The following HAUS6 variants were observed in gnomAD, a reference collection of about 807,000 sequenced individuals.
The protein encoded by HAUS6 is HAUS augmin-like complex subunit 6.
A neutral mutation model predicts 106.8 loss-of-function variants in HAUS6; 80 were observed. The ratio of observed to expected loss-of-function variants is 0.75; its 90% CI spans 0.63 to 0.90. The LOEUF (loss-of-function observed/expected upper bound fraction) is 0.90, where lower values mean the gene tolerates loss of function less well. HAUS6 is among the 40% of genes least tolerant of loss of function. The probability of loss-of-function intolerance (pLI) is 0.00; values close to 1 mark genes in which losing one functional copy is unlikely to be tolerated. For missense variants in HAUS6, 1,155 were observed against 1,118.1 expected (o/e 1.03, Z -0.47); for synonymous variants, 356 against 379.1 (o/e 0.94, Z 0.71).
At chr9:19,066,934 G>T (rs933538519) in intron 12 of HAUS6, among the ~76,000 whole-genome samples, 19 of 151,608 alleles carry the variant, frequency 1.3e-4, no homozygotes, top group African/African-American at 4.6e-4. Context: ...TTGAGCCCAG[G>T]AGATCAAGGC....
intron 11 of HAUS6, among the ~76,000 whole-genome samples, chr9:19,073,425 A>AG (rs1426059358): frequency 1.3e-5 from 2 of 151,706 alleles, no homozygotes; most frequent in African/African-American, 4.8e-5. Context: ...ATACTAGGAA[A>AG]AAAAAAAAGG....
intron 1 of HAUS6, among the ~76,000 whole-genome samples, chr9:19,097,865 A>G (rs1817896575): frequency 6.6e-6 from 1 of 152,216 alleles, no homozygotes; most frequent in South Asian, 2.1e-4. Context: ...TAAACGGCAA[A>G]GCATGAAATT....
At position 19,093,288 on chromosome 9, in the gene HAUS6, T is replaced by C; in HGVS notation, c.319A>G (p.Ser107Gly). 1 of 1,604,918 alleles carries C rather than the reference T, an allele frequency of 6.2e-7. No homozygotes were observed. The highest frequency in any genetic ancestry group is 8.5e-7 in the Non-Finnish European group (1 of 1,175,164). Reference protein sequence around the residue: ...IKRISGECGSSFPQVVGSLFL... With the variant: ...IKRISGECGSGFPQVVGSLFL... ...AGTGAACCAACAACTTGAGGAAAGCTACTTCCACATTCACCCTATGAAGAA... is the reference window on the plus strand; with the variant it reads ...AGTGAACCAACAACTTGAGGAAAGCCACTTCCACATTCACCCTATGAAGAA... The change falls in exon 4 of 17, where the codon AGC becomes GGC. Residue 107 changes from serine (S) to glycine (G), a missense_variant. Physicochemically the swap from Ser to Gly is moderately conservative, Grantham distance 56 (BLOSUM62 0). Transcript: ENST00000380502.
chr9:19,089,712 G>C (rs1588623143), intron 4 of HAUS6, 153 bp from the exon 5 acceptor site: 2 of 523,890 alleles, frequency 3.8e-6, no homozygotes, highest in East Asian at 3.2e-5. Context: ...AGACTTACAA[G>C]CTAATAAATA....
chr9:19,092,381 C>T (rs542051385), intron 4 of HAUS6, among the ~76,000 whole-genome samples: 1 of 151,518 alleles, frequency 6.6e-6, no homozygotes, highest in Non-Finnish European at 1.5e-5. Context: ...TTTGGGAGGC[C>T]GAGGCAGGCG....
intron 10 of HAUS6, among the ~76,000 whole-genome samples, chr9:19,076,923 A>C (rs1837022182): frequency 6.6e-6 from 1 of 152,186 alleles, no homozygotes; most frequent in Admixed American, 6.5e-5. Context: ...AGCTCACTGC[A>C]GCCTCAAACT....
intron 3 of HAUS6, among the ~76,000 whole-genome samples, chr9:19,093,863 T>C (rs1461412803): frequency 1.3e-5 from 2 of 152,010 alleles, no homozygotes; most frequent in Non-Finnish European, 2.9e-5. Flanking sequence ...AAGAAGACTC[T>C]GTCTCAAAAA....
chr9:19,061,627 G>A (rs1306968281), intron 14 of HAUS6, among the ~76,000 whole-genome samples: 2 of 152,076 alleles, frequency 1.3e-5, no homozygotes, highest in South Asian at 2.1e-4. Context: ...TTCAGGCTAC[G>A]GGTTCGAGAC....
intron 4 of HAUS6, among the ~76,000 whole-genome samples, chr9:19,090,414 A>G (rs536763855): frequency 1.2e-4 from 18 of 152,226 alleles, no homozygotes; most frequent in Non-Finnish European, 1.8e-4. Flanking sequence ...ACCCAGGCTG[A>G]AATGCAGTGG....
intron 9 of HAUS6, among the ~76,000 whole-genome samples, chr9:19,079,855 T>G (rs1837099819): frequency 6.7e-6 from 1 of 149,254 alleles, no homozygotes; most frequent in Admixed American, 6.7e-5. Context: ...CACTCTAGCC[T>G]GGGCAACAGA....
rs774441126 is a variant in HAUS6, at chr9:19,089,400, G to C, written c.584+12C>G. Reference sequence around the variant, plus strand: ...AAAGAAATTATTTTCTAACTATCAAGGTACTACTTACTGTGCATTTTCCTG... The same window carrying C: ...AAAGAAATTATTTTCTAACTATCAACGTACTACTTACTGTGCATTTTCCTG... On this transcript the variant is annotated intron_variant, in intron 5 of 16. Coordinates refer to ENST00000380502, the MANE Select transcript of HAUS6 (RefSeq NM_017645.5). 8.4e-6 allele frequency: 13 copies of C among 1,553,306 alleles called. No homozygotes were observed. Among genetic ancestry groups the C allele is most frequent in the Admixed American group, 3.4e-5 (2 of 59,680 alleles).
rs545161906 is a variant in HAUS6, at chr9:19,093,858, G to A, written c.303+459C>T. On this transcript the variant is annotated intron_variant, in intron 3 of 16. Coordinates refer to ENST00000380502, the MANE Select transcript of HAUS6 (RefSeq NM_017645.5). The stretch of plus-strand genomic sequence containing the variant: ...CACTCCAGCCTGGGTGACAGAAGAA[G>A]ACTCTGTCTCAAAAAAAAGTAATAA... 4.6e-5 allele frequency among the ~76,000 whole-genome samples: 7 copies of A among 152,110 alleles called. No homozygotes were observed. In the South Asian group the frequency reaches 1.5e-3, roughly 32 times the overall value.
At chr9:19,088,120 A>G (rs1588621576) in intron 5 of HAUS6, among the ~76,000 whole-genome samples, 1 of 152,354 alleles carries the variant, frequency 6.6e-6, no homozygotes, top group East Asian at 1.9e-4. Flanking sequence ...ATAGACATTA[A>G]AAGTAATACA....
chr9:19,099,394 C>G (rs537878775), intron 1 of HAUS6, among the ~76,000 whole-genome samples: 42 of 152,130 alleles, frequency 2.8e-4, no homozygotes, highest in Non-Finnish European at 5.0e-4. Context: ...TCTCAATTTC[C>G]TGACCTCGTG....
intron 11 of HAUS6, among the ~76,000 whole-genome samples, chr9:19,074,137 C>T (rs539470752): frequency 6.6e-6 from 1 of 152,102 alleles, no homozygotes; most frequent in African/African-American, 2.4e-5. Flanking sequence ...ATCCCAGCTA[C>T]TGGGGAGGCT....
At chr9:19,067,304 T>C (rs1348009686) in intron 12 of HAUS6, among the ~76,000 whole-genome samples, 1 of 152,226 alleles carries the variant, frequency 6.6e-6, no homozygotes, top group Non-Finnish European at 1.5e-5. Context: ...ATATTACTGA[T>C]GGAACATGTA....
intron 11 of HAUS6, among the ~76,000 whole-genome samples, chr9:19,071,654 G>C (rs193035577): frequency 5.5e-4 from 80 of 145,616 alleles, no homozygotes; most frequent in African/African-American, 2.0e-3. Context: ...GCTCACTACA[G>C]CCTCGACTTC....
rs116979434 is a variant in HAUS6 at position 19,091,401 on chromosome 9, T to C, written c.436+1770A>G. Among the ~76,000 whole-genome samples the C allele has an allele frequency of 5.0e-3, 756 of 152,278 alleles. 2 individuals are homozygous for C. The highest frequency in any genetic ancestry group is 7.4e-3 in the Non-Finnish European group (504 of 68,020). On this transcript the variant is annotated intron_variant, in intron 4 of 16. Coordinates refer to ENST00000380502, the MANE Select transcript of HAUS6 (RefSeq NM_017645.5). ...TAGACTCTGAACACGTTGACTGGAATTGGTTTAAATCCAGAAATAGGACAA... is the reference window on the plus strand; with the variant it reads ...TAGACTCTGAACACGTTGACTGGAACTGGTTTAAATCCAGAAATAGGACAA...
intron 4 of HAUS6, among the ~76,000 whole-genome samples, chr9:19,091,168 C>T (rs566209121): frequency 2.0e-5 from 3 of 152,102 alleles, no homozygotes; most frequent in East Asian, 1.9e-4. Context: ...GGCATGGTGG[C>T]GCATGCCTGT....
Sources: gnomAD v4.1 joint callset for allele counts (sites outside exome capture counted in the v4.1 genomes callset) on GRCh38, gnomAD v4.1.1 for gene constraint, MANE v1.5 for transcripts, NCBI Gene and HGNC (gene_info 2026-07-23, HGNC 2026-07-21) for gene names.